PFDN1: variants seen among roughly 807,000 people sequenced by gnomAD.
The protein encoded by PFDN1 is prefoldin subunit 1.
PFDN1 carries 6 observed loss-of-function variants against 17.3 expected under a neutral mutation model. The observed-to-expected ratio is 0.35, with a 90% CI of 0.19 to 0.69. PFDN1 has a LOEUF of 0.69. Among genes scored for constraint, PFDN1 ranks in the 30% least tolerant of loss-of-function variants. PFDN1 has a pLI of 0.65. For synonymous variants in PFDN1, 58 were observed against 50.1 expected, an observed-to-expected ratio of 1.16 and a Z score of -0.67; for missense variants, 113 against 146.2, an observed-to-expected ratio of 0.77 and a Z score of 1.17.
intron 3 of PFDN1, chr5:140,281,028 A>C (rs1765389385): frequency 1.3e-5 from 2 of 155,330 alleles, no homozygotes; most frequent in Non-Finnish European, 2.8e-5. Context: ...AGAAATTACA[A>C]TGTGTAAAAA....
At chr5:140,275,549 G>A in intron 3 of PFDN1, among the ~76,000 whole-genome samples, 1 of 152,094 alleles carries the variant, frequency 6.6e-6, no homozygotes, top group East Asian at 1.9e-4. Context: ...CCACTTGGCT[G>A]GCTGATGACA....
At chr5:140,247,820 A>T (rs374204336) in intron 3 of PFDN1, among the ~76,000 whole-genome samples, 4 of 152,130 alleles carry the variant, frequency 2.6e-5, no homozygotes, top group South Asian at 2.1e-4. Flanking sequence ...AATCCCAGCT[A>T]CTTAGGGGCT....
At chr5:140,246,190 T>C (rs145155934) in intron 3 of PFDN1, 133 bp from the exon 4 acceptor site, 1 of 662,642 alleles carries the variant, frequency 1.5e-6, no homozygotes, top group African/African-American at 1.8e-5. Context: ...GCAAGCCAGG[T>C]ACACACACCT....
chr5:140,280,962 A>G (rs1024826015), intron 3 of PFDN1: 1 of 152,252 alleles, frequency 6.6e-6, no homozygotes, highest in Non-Finnish European at 1.5e-5. Flanking sequence ...TCCTTCAGAT[A>G]GTTAATTGGT....
intron 2 of PFDN1, among the ~76,000 whole-genome samples, chr5:140,288,188 C>T (rs972303369): frequency 2.6e-5 from 4 of 152,196 alleles, no homozygotes; most frequent in African/African-American, 9.7e-5. Context: ...AATGGATAAA[C>T]TGTCAGTACA....
intron 3 of PFDN1, among the ~76,000 whole-genome samples, 176 bp from the exon 4 acceptor site, chr5:140,246,233 G>T (rs913421182): frequency 3.9e-5 from 6 of 152,162 alleles, no homozygotes; most frequent in Non-Finnish European, 5.9e-5. Context: ...CCGAACCATG[G>T]GTGATCACGG....
chr5:140,297,203 C>G (rs115884696), intron 2 of PFDN1, among the ~76,000 whole-genome samples: 8 of 151,972 alleles, frequency 5.3e-5, no homozygotes, highest in Non-Finnish European at 1.2e-4. Flanking sequence ...CATTTTATTA[C>G]GGTTTTAAAA....
rs372828860 is a variant in PFDN1 at position 140,281,274 on chromosome 5, G to A, written c.285+175C>T. The A allele has an allele frequency of 1.3e-5, 6 of 469,702 alleles. No individual in the cohort carries two copies. The East Asian group carries it at 1.4e-4, about 11-fold the overall frequency. The allele number at this position is 469,702 out of a possible 1,614,324, so 29.1% of individuals were successfully genotyped here. On this transcript the variant is annotated intron_variant, in intron 3 of 3. Coordinates refer to ENST00000261813, the MANE Select transcript of PFDN1 (RefSeq NM_002622.5). The stretch of plus-strand genomic sequence containing the variant: ...AGACTATTCTTTTTTTTTTGTTTTG[G>A]TCTTATATGCGCTATGAATATGAAT...
At chr5:140,256,648 C>CA (rs1764989259) in intron 3 of PFDN1, among the ~76,000 whole-genome samples, 1 of 16,736 alleles carries the variant, frequency 6.0e-5, no homozygotes, top group Non-Finnish European at 1.7e-4. Flanking sequence ...ATGTAAAAAA[C>CA]AAAAAATGAC....
At position 140,270,975 on chromosome 5, in the gene PFDN1, G is replaced by A. The variant is rs188100710; in HGVS notation, c.285+10474C>T. 3.9e-5 allele frequency among the ~76,000 whole-genome samples: 6 copies of A among 152,114 alleles called. No homozygotes were observed. In the East Asian group the frequency reaches 1.2e-3, roughly 29 times the overall value. ...AACTGCTTACATCTAAGTTCTCATT[G>A]GATCTACAATACTTCTATGAAGGAA... On this transcript the variant is annotated intron_variant, in intron 3 of 3. Transcript: ENST00000261813.
chr5:140,273,903 C>T, intron 3 of PFDN1: 2 of 984,892 alleles, frequency 2.0e-6, no homozygotes, highest in Non-Finnish European at 2.4e-6. Context: ...AGGTTGAAGG[C>T]TGACTTTAGG....
At chr5:140,283,278 G>C (rs1367635923) in intron 2 of PFDN1, among the ~76,000 whole-genome samples, 1 of 152,120 alleles carries the variant, frequency 6.6e-6, no homozygotes, top group African/African-American at 2.4e-5. Flanking sequence ...TGTTGCCCAG[G>C]CTGGAGTGCA....
At chr5:140,280,599 C>A (rs1315256509) in intron 3 of PFDN1, among the ~76,000 whole-genome samples, 3 of 152,196 alleles carry the variant, frequency 2.0e-5, no homozygotes, top group African/African-American at 7.2e-5. Context: ...CCTCAGGAGG[C>A]TACAAGTTGT....
At chr5:140,276,317 AG>A (rs1301875128) in intron 3 of PFDN1, among the ~76,000 whole-genome samples, 1 of 152,242 alleles carries the variant, frequency 6.6e-6, no homozygotes, top group Non-Finnish European at 1.5e-5. Context: ...AGAAAGAAGC[AG>A]CTAACTTAAG....
intron 2 of PFDN1, among the ~76,000 whole-genome samples, chr5:140,296,818 A>G (rs557373379): frequency 1.5e-4 from 23 of 152,192 alleles, no homozygotes; most frequent in Non-Finnish European, 2.9e-4. Flanking sequence ...AACACAAACT[A>G]GTAGAAGGAG....
Position 140,276,296 on chromosome 5 carries a change from CAG to C in PFDN1, c.285+5151_285+5152del, listed in dbSNP as rs1765292082. The stretch of plus-strand genomic sequence containing the variant: ...TGTGCTAAGAAACTAACAGAGTAAC[CAG>C]AGAACACAAGAAAGAAGCAGCTAAC... On this transcript the variant is annotated intron_variant, in intron 3 of 3. Coordinates refer to ENST00000261813, the MANE Select transcript of PFDN1 (RefSeq NM_002622.5). Among the ~76,000 whole-genome samples, 4 of 152,108 alleles carry C rather than the reference CAG, an allele frequency of 2.6e-5. No individual in the cohort carries two copies. The South Asian group carries it at 8.3e-4, about 32-fold the overall frequency.
intron 2 of PFDN1, among the ~76,000 whole-genome samples, chr5:140,283,954 A>C (rs1165336180): frequency 6.6e-6 from 1 of 152,224 alleles, no homozygotes; most frequent in Non-Finnish European, 1.5e-5. Flanking sequence ...TAGCTGGCCA[A>C]TGAGTACTAT....
At chr5:140,278,191 G>C (rs1402146827) in intron 3 of PFDN1, among the ~76,000 whole-genome samples, 1 of 151,456 alleles carries the variant, frequency 6.6e-6, no homozygotes, top group Non-Finnish European at 1.5e-5. Flanking sequence ...CTGGACAACA[G>C]AGCAAGATGC....
chr5:140,274,308 CAT>C (rs1000846859), intron 3 of PFDN1, among the ~76,000 whole-genome samples: 1 of 152,184 alleles, frequency 6.6e-6, no homozygotes, highest in Non-Finnish European at 1.5e-5. Flanking sequence ...ACAAATGAGA[CAT>C]GTCATAATTC....
Sources: gnomAD v4.1 joint callset for allele counts (sites outside exome capture counted in the v4.1 genomes callset) on GRCh38, gnomAD v4.1.1 for gene constraint, MANE v1.5 for transcripts, NCBI Gene and HGNC (gene_info 2026-07-23, HGNC 2026-07-21) for gene names.